ITGA4: variants seen among roughly 807,000 people sequenced by gnomAD.
ITGA4 encodes integrin alpha-4.
Under a neutral mutation model 133.6 loss-of-function variants are expected in ITGA4, and 63 were observed. The observed-to-expected ratio is 0.47, with a 90% CI of 0.38 to 0.58. The LOEUF is 0.58. Among genes scored for constraint, ITGA4 ranks in the 20% least tolerant of loss-of-function variants. The pLI is 0.00. For missense variants in ITGA4, 1,076 were observed against 1,252.7 expected (o/e 0.86, Z 2.13); for synonymous variants, 483 against 438.0 (o/e 1.10, Z -1.28).
chr2:181,478,870 CTT>C, intron 5 of ITGA4, 46 bp downstream of exon 5: 1 of 919,712 alleles, frequency 1.1e-6, no homozygotes, highest in Non-Finnish European at 1.6e-6. Flanking sequence ...CATATAGAAT[CTT>C]AATTCTTCTC....
intron 10 of ITGA4, among the ~76,000 whole-genome samples, chr2:181,490,342 T>A (rs1055299793): frequency 2.6e-5 from 4 of 152,324 alleles, no homozygotes; most frequent in Non-Finnish European, 2.9e-5. Flanking sequence ...TTTAAAGCAC[T>A]GATTTATGAG....
In ITGA4 at chr2:181,530,598, G is replaced by A; in HGVS notation, c.2613G>A (p.Gln871=). The A allele has an allele frequency of 3.1e-6, 5 of 1,613,052 alleles. No homozygotes were observed. The highest frequency in any genetic ancestry group is 4.2e-6 in the Non-Finnish European group (5 of 1,179,156). ...CALEQQKSAM[Q]TLKGIVRFLS... ...TAGAGCAGCAAAAGAGTGCAATGCA[G>A]ACCTTGAAAGGCATAGTCCGGTTCT... Residue 871 remains glutamine (Q), a synonymous_variant, in exon 24 of 28, where the codon CAG becomes CAA. Coordinates refer to ENST00000397033, the MANE Select transcript of ITGA4 (RefSeq NM_000885.6).
In ITGA4 at chr2:181,493,324, G is replaced by A; in HGVS notation, c.1154-1G>A. The A allele has an allele frequency of 6.3e-7, 1 of 1,594,088 alleles. No individual in the cohort carries two copies. Among genetic ancestry groups the A allele is most frequent in the Non-Finnish European group, 8.6e-7 (1 of 1,165,830 alleles). ...TTTCCATTGTTTAAATTATTGGATAGATGTTGCTATCGGAGCTCCACAAGA... is the reference window on the plus strand; with the variant it reads ...TTTCCATTGTTTAAATTATTGGATAAATGTTGCTATCGGAGCTCCACAAGA... On this transcript the variant is annotated splice_acceptor_variant, in intron 10 of 27. Coordinates refer to ENST00000397033, the MANE Select transcript of ITGA4 (RefSeq NM_000885.6). LOFTEE classifies it high-confidence loss of function.
chr2:181,517,130 G>A (rs1686621900), intron 17 of ITGA4, among the ~76,000 whole-genome samples: 1 of 151,772 alleles, frequency 6.6e-6, no homozygotes, highest in African/African-American at 2.4e-5. Flanking sequence ...AGTAGTAAAG[G>A]AAAAAAAGAT....
rs771621589 is a variant in ITGA4, at chr2:181,538,186, A to ACTTTGGAATCATTTCTTC, written c.*2661_*2678dup. On this transcript the variant is annotated 3_prime_UTR_variant, in exon 28 of 28. Transcript: ENST00000397033. The stretch of plus-strand genomic sequence containing the variant: ...TTTCTTTTAGAAACAATTACATGTT[A>ACTTTGGAATCATTTCTTC]CTTTGGAATCATTTCTTCCATGCTT... The ACTTTGGAATCATTTCTTC allele has an allele frequency of 5.8e-6, 9 of 1,564,542 alleles. No homozygotes were observed. The East Asian group carries it at 2.0e-4, about 35-fold the overall frequency.
At chr2:181,502,622 A>G (rs1178194453) in intron 15 of ITGA4, among the ~76,000 whole-genome samples, 1 of 152,122 alleles carries the variant, frequency 6.6e-6, no homozygotes, top group Non-Finnish European at 1.5e-5. Flanking sequence ...TTGCTTTAAT[A>G]ATCTCAGTGA....
Position 181,535,710 on chromosome 2 carries a change from C to A in ITGA4, c.*183C>A. ...ATGATTACTCTTTGAGATAGAAGAACTGCAAAGGTAATAATACAGCCAAAG... is the reference window on the plus strand; with the variant it reads ...ATGATTACTCTTTGAGATAGAAGAAATGCAAAGGTAATAATACAGCCAAAG... On this transcript the variant is annotated 3_prime_UTR_variant, in exon 28 of 28. Transcript: ENST00000397033. 1.6e-6 allele frequency: 1 copy of A among 636,168 alleles called. No homozygotes were observed. The highest frequency in any genetic ancestry group is 2.5e-6 in the Non-Finnish European group (1 of 407,408). 39.4% of individuals were successfully genotyped at this position (636,168 alleles called of 1,614,324 possible). A position where few individuals can be genotyped will look rare whatever the true frequency, so the allele number is the denominator to read the frequency against.
intron 15 of ITGA4, among the ~76,000 whole-genome samples, chr2:181,500,023 A>T (rs1231722904): frequency 6.6e-6 from 1 of 152,154 alleles, no homozygotes; most frequent in Non-Finnish European, 1.5e-5. Context: ...TAGCAGAGGT[A>T]AGTGTTGTGT....
intron 10 of ITGA4, among the ~76,000 whole-genome samples, chr2:181,489,238 C>T (rs1685988874): frequency 6.6e-6 from 1 of 152,130 alleles, no homozygotes; most frequent in African/African-American, 2.4e-5. Context: ...CCTAAGTTAT[C>T]TTGGCATTTG....
rs541827105 is a variant in ITGA4 at position 181,510,444 on chromosome 2, A to G, written c.1845+637A>G. ...TTTATTCTCAGGAGTCCTGTTGTTC[A>G]GACCTTTAGTGTCTATCAACACAAA... On this transcript the variant is annotated intron_variant, in intron 16 of 27. Transcript: ENST00000397033. Among the ~76,000 whole-genome samples the G allele has an allele frequency of 4.6e-5, 7 of 152,242 alleles. No individual in the cohort carries two copies. In the East Asian group the frequency reaches 1.4e-3, roughly 29 times the overall value.
intron 10 of ITGA4, among the ~76,000 whole-genome samples, chr2:181,487,371 C>G (rs1323725539): frequency 6.6e-6 from 1 of 151,950 alleles, no homozygotes; most frequent in Non-Finnish European, 1.5e-5. Context: ...TATTTTATGC[C>G]CTTCCTAGAA....
intron 17 of ITGA4, among the ~76,000 whole-genome samples, chr2:181,518,870 TCA>T (rs1686663566): frequency 6.6e-6 from 1 of 152,058 alleles, no homozygotes; most frequent in African/African-American, 2.4e-5. Flanking sequence ...ACATAGTTTG[TCA>T]ATATAACTTA....
At chr2:181,471,306 C>T (rs771902195) in intron 2 of ITGA4, among the ~76,000 whole-genome samples, 3 of 151,874 alleles carry the variant, frequency 2.0e-5, no homozygotes, top group Admixed American at 1.3e-4. Context: ...GGCTGTTTGT[C>T]GGGGGTGGGA....
intron 2 of ITGA4, chr2:181,458,949 C>T (rs1462404022): frequency 6.6e-6 from 1 of 152,334 alleles, no homozygotes; most frequent in Non-Finnish European, 1.5e-5. Flanking sequence ...AGATTTGTGA[C>T]AAGTTGAAAA....
chr2:181,505,956 G>A (rs950605696), intron 15 of ITGA4, among the ~76,000 whole-genome samples: 5 of 151,994 alleles, frequency 3.3e-5, no homozygotes, highest in East Asian at 3.9e-4. Context: ...AAGCTGTTCC[G>A]TTTTCACAAG....
rs1031716762 is a variant in ITGA4 at position 181,516,804 on chromosome 2, A to G, written c.1922+5029A>G. ...AAGGGAAATCACTGTTGGCTAGACA[A>G]TGAGCAAGGAGCAACATCTGCCACC... On this transcript the variant is annotated intron_variant, in intron 17 of 27. Transcript: ENST00000397033. This position sits in a 1 kb window ranked among gnomAD's most constrained non-coding sequence, Gnocchi z 4.0. Among the ~76,000 whole-genome samples the G allele has an allele frequency of 8.5e-5, 13 of 152,070 alleles. No individual in the cohort carries two copies. Among genetic ancestry groups the G allele is most frequent in the Non-Finnish European group, 1.3e-4 (9 of 67,998 alleles).
chr2:181,474,786 G>A (rs1685636770), intron 2 of ITGA4, among the ~76,000 whole-genome samples, 174 bp from the exon 3 acceptor site: 1 of 152,130 alleles, frequency 6.6e-6, no homozygotes, highest in Admixed American at 6.5e-5. Context: ...AAGTCACCTT[G>A]TATTAGAGAA....
chr2:181,477,850 C>A (rs1238061508), intron 4 of ITGA4, among the ~76,000 whole-genome samples: 1 of 151,948 alleles, frequency 6.6e-6, no homozygotes, highest in African/African-American at 2.4e-5. Context: ...GGGTATATAT[C>A]CAAAGGAAAT....
chr2:181,469,407 A>G (rs1471442195), intron 2 of ITGA4, among the ~76,000 whole-genome samples: 1 of 152,208 alleles, frequency 6.6e-6, no homozygotes, highest in African/African-American at 2.4e-5. Context: ...TTAAAAAGTC[A>G]GGAAACAACA....
Sources: gnomAD v4.1 joint callset for allele counts (sites outside exome capture counted in the v4.1 genomes callset) on GRCh38, gnomAD v4.1.1 for gene constraint, Gnocchi (gnomAD v3.1) non-coding constraint, MANE v1.5 for transcripts, NCBI Gene and HGNC (gene_info 2026-07-23, HGNC 2026-07-21) for gene names.